Variants in YTHDF3 observed in about 807,000 individuals in gnomAD.
YTHDF3 encodes the protein YTH domain-containing family protein 3.
YTHDF3 carries 9 observed loss-of-function variants against 52.5 expected under a neutral mutation model. That is an observed-to-expected ratio of 0.17 (90% CI 0.10 to 0.30). YTHDF3 has a LOEUF of 0.30. Among genes scored for constraint, YTHDF3 ranks in the 10% least tolerant of loss-of-function variants. YTHDF3 has a pLI of 1.00. For synonymous variants in YTHDF3, 274 were observed against 243.3 expected (o/e 1.13, Z -1.18); for missense variants, 534 against 715.0 (o/e 0.75, Z 2.89).
At chr8:63,203,828 G>A (rs1270540302) in intron 4 of YTHDF3, among the ~76,000 whole-genome samples, 2 of 152,140 alleles carry the variant, frequency 1.3e-5, no homozygotes, top group Non-Finnish European at 2.9e-5. Context: ...TTTCGGTTTG[G>A]CTGATACTTT....
Position 63,186,841 on chromosome 8 carries a change from G to A in YTHDF3, c.830G>A (p.Gly277Glu). ...PPPIKHNMNI[G>E]TWDEKGSVVK... ...CCTATAAAACACAACATGAATATTG[G>A]AACTTGGGATGAAAAAGGGTCAGTG... is the stretch of plus-strand genomic sequence containing the variant. Residue 277 changes from glycine (G) to glutamate (E), a missense_variant, in exon 4 of 5, where the codon GGA becomes GAA. Transcript: ENST00000539294. 2 of 1,613,922 alleles carry A rather than the reference G, an allele frequency of 1.2e-6. No individual in the cohort carries two copies. The highest frequency in any genetic ancestry group is 1.1e-5 in the South Asian group (1 of 91,074).
rs1341043421 is a variant in YTHDF3 at position 63,168,681 on chromosome 8, G to C, written c.-197G>C. 2.1e-6 allele frequency: 2 copies of C among 971,768 alleles called. No individual in the cohort carries two copies. Among genetic ancestry groups the C allele is most frequent in the African/African-American group, 3.3e-5 (2 of 61,486 alleles). The allele number at this position is 971,768 out of a possible 1,614,324, so 60.2% of individuals were successfully genotyped here. ...GAAGCAGAGAGCGAGAGGGGGAAGAGGAGCGTGCAAGCGGAAAAGACGGGC... is the reference window on the plus strand; with the variant it reads ...GAAGCAGAGAGCGAGAGGGGGAAGACGAGCGTGCAAGCGGAAAAGACGGGC... On this transcript the variant is annotated 5_prime_UTR_variant, in exon 1 of 5. Transcript: ENST00000539294.
chr8:63,176,528 C>CCT (rs2129997659), intron 3 of YTHDF3, among the ~76,000 whole-genome samples: 1 of 152,220 alleles, frequency 6.6e-6, no homozygotes, highest in African/African-American at 2.4e-5. Flanking sequence ...GATCCGCCCG[C>CCT]CTCGGCCTCC....
chr8:63,198,889 A>T (rs1809409563), intron 4 of YTHDF3, among the ~76,000 whole-genome samples: 1 of 152,192 alleles, frequency 6.6e-6, no homozygotes, highest in African/African-American at 2.4e-5. Flanking sequence ...AAATTTGAAG[A>T]ATGTTTTTCT....
chr8:63,173,223 T>TATATATA (rs1554533399), intron 2 of YTHDF3, among the ~76,000 whole-genome samples: 2 of 144,016 alleles, frequency 1.4e-5, no homozygotes, highest in East Asian at 2.3e-4. Context: ...TACAGATAAA[T>TATATATA]TTTAAGTAAG....
rs537882033 is a variant in YTHDF3 at position 63,180,686 on chromosome 8, T to A, written c.135+5270T>A. On this transcript the variant is annotated intron_variant, in intron 3 of 4. Transcript: ENST00000539294. ...CACTGCACTCCAGCCTGGGCACCAT[T>A]GAGCACTGAGTGAACCAGACTCCGT... Among the ~76,000 whole-genome samples, 5 of 152,326 alleles carry A rather than the reference T, an allele frequency of 3.3e-5. No individual in the cohort carries two copies. The South Asian group carries it at 1.0e-3, about 32-fold the overall frequency.
In YTHDF3 at chr8:63,202,651, C is replaced by T. The variant is rs534035106; in HGVS notation, c.1735-7032C>T. On this transcript the variant is annotated intron_variant, in intron 4 of 4. Transcript: ENST00000539294. Reference sequence around the variant, plus strand: ...TAATTTTTTGTATTTTTAGTAGAGACGGGGTTTTGACATGTTTGTCAGGCT... The same window carrying T: ...TAATTTTTTGTATTTTTAGTAGAGATGGGGTTTTGACATGTTTGTCAGGCT... Among the ~76,000 whole-genome samples, 15 of 151,982 alleles carry T rather than the reference C, an allele frequency of 9.9e-5. No homozygotes were observed. The South Asian group carries it at 2.1e-3, about 21-fold the overall frequency.
intron 4 of YTHDF3, among the ~76,000 whole-genome samples, chr8:63,203,707 T>C (rs994849975): frequency 2.6e-5 from 4 of 152,196 alleles, no homozygotes; most frequent in African/African-American, 9.6e-5. Context: ...ACGTTGCATT[T>C]AGTTGTCATG....
chr8:63,206,536 AT>A (rs1810041847), intron 4 of YTHDF3, among the ~76,000 whole-genome samples: 1 of 152,146 alleles, frequency 6.6e-6, no homozygotes, highest in South Asian at 2.1e-4. Context: ...TTGCTTTCAA[AT>A]ATATACTGAA....
intron 2 of YTHDF3, chr8:63,173,507 C>T (rs766415145): frequency 1.2e-4 from 33 of 284,312 alleles, no homozygotes; most frequent in Non-Finnish European, 1.7e-4. Context: ...ACTAGATTTT[C>T]GAGAACCTAG....
chr8:63,172,732 C>T (rs1807412701), intron 2 of YTHDF3: 12 of 1,229,076 alleles, frequency 9.8e-6, no homozygotes, highest in African/African-American at 1.6e-5. Context: ...CACCTGGCTC[C>T]TAAGGCCCAT....
intron 4 of YTHDF3, among the ~76,000 whole-genome samples, chr8:63,205,956 A>G (rs992402849): frequency 4.6e-5 from 7 of 152,088 alleles, no homozygotes; most frequent in Admixed American, 3.9e-4. Context: ...TGCACTGTGG[A>G]CTTTCAAATT....
At chr8:63,168,936 C>A in intron 1 of YTHDF3, 35 bp downstream of exon 1, 1 of 1,548,230 alleles carries the variant, frequency 6.5e-7, no homozygotes, top group African/African-American at 1.4e-5. Context: ...TGGCGAAGGC[C>A]CGAGCCCCGG....
chr8:63,171,997 C>T (rs1308515000), intron 2 of YTHDF3, among the ~76,000 whole-genome samples: 1 of 152,052 alleles, frequency 6.6e-6, no homozygotes, highest in African/African-American at 2.4e-5. Flanking sequence ...AAATAATTGT[C>T]TTTGATATGG....
chr8:63,194,586 G>C (rs1287085389), intron 4 of YTHDF3, among the ~76,000 whole-genome samples: 1 of 152,098 alleles, frequency 6.6e-6, no homozygotes, highest in Non-Finnish European at 1.5e-5. Flanking sequence ...TTATTAACAT[G>C]CTTCCCCATC....
rs540191832 is a variant in YTHDF3, at chr8:63,196,685, A to G, written c.1734+8940A>G. Among the ~76,000 whole-genome samples, 4 of 152,274 alleles carry G rather than the reference A, an allele frequency of 2.6e-5. No individual in the cohort carries two copies. In the South Asian group the frequency reaches 6.2e-4, roughly 24 times the overall value. ...TCATCAGAATTCTATAACCCTGGATACTCAAATTTAAAATCTTATTTTTGG... is the reference window on the plus strand; with the variant it reads ...TCATCAGAATTCTATAACCCTGGATGCTCAAATTTAAAATCTTATTTTTGG... On this transcript the variant is annotated intron_variant, in intron 4 of 4. Transcript: ENST00000539294.
At chr8:63,190,472 A>G (rs1159210774) in intron 4 of YTHDF3, among the ~76,000 whole-genome samples, 4 of 152,138 alleles carry the variant, frequency 2.6e-5, no homozygotes, top group Non-Finnish European at 5.9e-5. Context: ...AAACTTTAAT[A>G]TTACCCTTAT....
intron 3 of YTHDF3, among the ~76,000 whole-genome samples, chr8:63,182,752 A>G (rs111907744): frequency 4.6e-5 from 7 of 152,108 alleles, no homozygotes; most frequent in African/African-American, 7.2e-5. Context: ...CACCTTTCCT[A>G]TGCATCTCCA....
In YTHDF3 at chr8:63,175,423, C is replaced by T; in HGVS notation, c.135+7C>T. 4 of 1,602,766 alleles carry T rather than the reference C, an allele frequency of 2.5e-6. No individual in the cohort carries two copies. The highest frequency in any genetic ancestry group is 3.4e-6 in the Non-Finnish European group (4 of 1,172,306). The stretch of plus-strand genomic sequence containing the variant: ...AAGTAGCCAGACAAATCAGGTAAGT[C>T]TTCTGACAGTTTCAGATTTTAGGAA... On this transcript the variant is annotated splice_region_variant and intron_variant, in intron 3 of 4. Coordinates refer to ENST00000539294, the MANE Select transcript of YTHDF3 (RefSeq NM_152758.6).
Sources: allele counts gnomAD v4.1 joint callset (sites outside exome capture counted in the v4.1 genomes callset), GRCh38; gene constraint gnomAD v4.1.1; transcripts MANE v1.5; gene names NCBI Gene and HGNC (gene_info 2026-07-23, HGNC 2026-07-21).